PRKN: variants seen among roughly 807,000 people sequenced by gnomAD.
PRKN encodes the protein parkin RBR E3 ubiquitin protein ligase.
PRKN carries 56 observed loss-of-function variants against 59.5 expected under a neutral mutation model. The ratio of observed to expected loss-of-function variants is 0.94; its 90% confidence interval spans 0.76 to 1.18. The LOEUF is 1.18. Ranked by LOEUF, PRKN falls within the 50% of genes most tolerant of loss-of-function variation. PRKN has a pLI of 0.00. For synonymous variants in PRKN, 250 were observed against 222.1 expected, an observed-to-expected ratio of 1.13 and a Z score of -1.12; for missense variants, 657 against 596.4, an observed-to-expected ratio of 1.10 and a Z score of -1.06.
At position 162,331,537 on chromosome 6, in the gene PRKN, G is replaced by C. The variant is rs529331203; in HGVS notation, c.172-68772C>G. On this transcript the variant is annotated intron_variant, in intron 2 of 11. Transcript: ENST00000366898. ...CCATCTTTCTTCCTACTTATCCTTG[G>C]TTACTTGTCATTTCTTCAGCATTTG... Among the ~76,000 whole-genome samples, 5 of 152,106 alleles carry C rather than the reference G, an allele frequency of 3.3e-5. No individual in the cohort carries two copies. The South Asian group carries it at 1.0e-3, about 32-fold the overall frequency.
intron 3 of PRKN, among the ~76,000 whole-genome samples, chr6:162,261,463 T>C (rs910516254): frequency 5.3e-5 from 8 of 152,320 alleles, no homozygotes; most frequent in African/African-American, 1.9e-4. Flanking sequence ...GTCAGAATGA[T>C]CTTATACATA....
intron 2 of PRKN, among the ~76,000 whole-genome samples, chr6:162,301,411 G>T (rs185322861): frequency 1.3e-5 from 2 of 152,190 alleles, no homozygotes; most frequent in Admixed American, 1.3e-4. Context: ...AACTGTATTT[G>T]GTCTTTGTAG....
chr6:162,051,811 C>T (rs1777657885), intron 5 of PRKN, among the ~76,000 whole-genome samples: 1 of 152,140 alleles, frequency 6.6e-6, no homozygotes, highest in Non-Finnish European at 1.5e-5. Context: ...TCCAGACTGT[C>T]CTGTGCACAG....
chr6:161,369,978 A>T lies in PRKN; in HGVS notation c.1168-9773T>A, dbSNP rs1785375034. The T allele has an allele frequency of 2.2e-6, 1 of 446,950 alleles. No individual in the cohort carries two copies. The highest frequency in any genetic ancestry group is 4.5e-6 in the Non-Finnish European group (1 of 220,188). 27.7% of individuals were successfully genotyped at this position (446,950 alleles called of 1,614,324 possible). A position where few individuals can be genotyped will look rare whatever the true frequency, so the allele number is the denominator to read the frequency against. ...AACGGCTTAGCACAGAGCCAGGTGC[A>T]CCCTGAATGCTAACCGTGTGTTTTC... On this transcript the variant is annotated intron_variant, in intron 10 of 11. Coordinates refer to ENST00000366898, the MANE Select transcript of PRKN (RefSeq NM_004562.3). The surrounding 1 kb of genome is among the most constrained non-coding windows in gnomAD (Gnocchi z 5.8).
chr6:161,915,558 G>C (rs570772863), intron 6 of PRKN, among the ~76,000 whole-genome samples: 9 of 152,282 alleles, frequency 5.9e-5, no homozygotes, highest in Admixed American at 5.9e-4. Flanking sequence ...GTAAATGTGA[G>C]AACTGTAATT....
intron 6 of PRKN, among the ~76,000 whole-genome samples, chr6:161,931,821 G>T (rs949054713): frequency 2.6e-5 from 4 of 152,098 alleles, no homozygotes; most frequent in African/African-American, 7.2e-5. Context: ...TTTAACTATG[G>T]TTATCAAAAT....
At chr6:161,398,013 A>G (rs942743120) in intron 9 of PRKN, among the ~76,000 whole-genome samples, 10 of 152,182 alleles carry the variant, frequency 6.6e-5, no homozygotes, top group African/African-American at 2.4e-4. Context: ...CGCTAGCCAG[A>G]GAGGGGGCAG....
Position 161,775,463 on chromosome 6 carries a change from C to T in PRKN, c.871+10309G>A, listed in dbSNP as rs954883262. Among the ~76,000 whole-genome samples, 11 of 152,234 alleles carry T rather than the reference C, an allele frequency of 7.2e-5. 1 individual carries two copies. Among genetic ancestry groups the T allele is most frequent in the Admixed American group, 6.5e-4 (10 of 15,298 alleles). ...TCCCTGTGTTGCACCAGGCTAGCCT[C>T]AAATTCCTAGGCTTAAGTGATTCAC... On this transcript the variant is annotated intron_variant, in intron 7 of 11. Coordinates refer to ENST00000366898, the MANE Select transcript of PRKN (RefSeq NM_004562.3).
At chr6:162,524,875 C>T (rs2846483) in intron 1 of PRKN, among the ~76,000 whole-genome samples, 39,094 of 151,938 alleles carry the variant, frequency 0.26, 6,238 homozygotes, top group Non-Finnish European at 0.37. Context: ...CCAAACTCTC[C>T]CAAGGTTATA....
At chr6:162,363,644 CA>C (rs1381661728) in intron 2 of PRKN, among the ~76,000 whole-genome samples, 5 of 151,982 alleles carry the variant, frequency 3.3e-5, no homozygotes, top group Non-Finnish European at 7.4e-5. Flanking sequence ...CTTCAGTTAA[CA>C]AAAACCTTTT....
chr6:161,712,302 T>C (rs954138985), intron 7 of PRKN, among the ~76,000 whole-genome samples: 4 of 152,196 alleles, frequency 2.6e-5, no homozygotes, highest in African/African-American at 9.7e-5. Context: ...TAGGTTATTC[T>C]AATAGAAACA....
intron 9 of PRKN, among the ~76,000 whole-genome samples, chr6:161,491,566 T>C (rs886836921): frequency 1.3e-5 from 2 of 152,192 alleles, no homozygotes; most frequent in Admixed American, 1.3e-4. Flanking sequence ...CAGAGTGGCA[T>C]GTAGAGAAGT....
At chr6:162,476,939 A>G (rs887800085) in intron 1 of PRKN, among the ~76,000 whole-genome samples, 6 of 152,116 alleles carry the variant, frequency 3.9e-5, no homozygotes, top group Non-Finnish European at 8.8e-5. Context: ...ACTGGTTCTG[A>G]AATCCTGCCT....
At chr6:162,073,327 A>G (rs1778664898) in intron 4 of PRKN, among the ~76,000 whole-genome samples, 2 of 152,214 alleles carry the variant, frequency 1.3e-5, no homozygotes, top group South Asian at 4.1e-4. Context: ...GCAAGTGTCT[A>G]TTCCTGTATT....
intron 1 of PRKN, among the ~76,000 whole-genome samples, chr6:162,507,350 A>C (rs1019312399): frequency 6.6e-6 from 1 of 152,170 alleles, no homozygotes; most frequent in Non-Finnish European, 1.5e-5. Context: ...TCCTAGAATG[A>C]AATCCAAAGA....
In PRKN at chr6:162,551,030, T is replaced by C. The variant is rs548508843; in HGVS notation, c.8-107557A>G. Among the ~76,000 whole-genome samples, 70 of 152,200 alleles carry C rather than the reference T, an allele frequency of 4.6e-4. 1 individual carries two copies. The highest frequency in any genetic ancestry group is 8.8e-4 in the Non-Finnish European group (60 of 68,038). On this transcript the variant is annotated intron_variant, in intron 1 of 11. Coordinates refer to ENST00000366898, the MANE Select transcript of PRKN (RefSeq NM_004562.3). ...GCATAACAGCAAATTTTCTTCTGTATGTAATTTCAAGACCCTTCTTATCAT... is the reference window on the plus strand; with the variant it reads ...GCATAACAGCAAATTTTCTTCTGTACGTAATTTCAAGACCCTTCTTATCAT...
At chr6:162,050,460 A>G (rs1031657949) in intron 5 of PRKN, among the ~76,000 whole-genome samples, 2 of 93,066 alleles carry the variant, frequency 2.1e-5, no homozygotes, top group African/African-American at 9.5e-5. Context: ...ATTTTCCTAT[A>G]TTTCACCCCC....
chr6:161,757,933 G>T (rs1158973193), intron 7 of PRKN, among the ~76,000 whole-genome samples: 2 of 101,434 alleles, frequency 2.0e-5, no homozygotes, highest in South Asian at 3.6e-4. Flanking sequence ...CTCTCTCTCT[G>T]TATATATATG....
At chr6:162,178,908 G>A (rs2128322220) in intron 4 of PRKN, among the ~76,000 whole-genome samples, 1 of 152,248 alleles carries the variant, frequency 6.6e-6, no homozygotes, top group South Asian at 2.1e-4. Context: ...CTCTCCGTCT[G>A]TCACTGAGGC....
Sources: allele counts gnomAD v4.1 joint callset (sites outside exome capture counted in the v4.1 genomes callset), GRCh38; gene constraint gnomAD v4.1.1; non-coding constraint Gnocchi (gnomAD v3.1); transcripts MANE v1.5; gene names NCBI Gene and HGNC (gene_info 2026-07-23, HGNC 2026-07-21).